Variants in ROBO2 observed in about 807,000 individuals in gnomAD.
The protein encoded by ROBO2 is roundabout homolog 2.
A neutral mutation model predicts 160.8 loss-of-function variants in ROBO2; 53 were observed. That is an observed-to-expected ratio of 0.33 (90% CI 0.26 to 0.41). ROBO2 has a LOEUF of 0.41. ROBO2 is among the 10% of genes least tolerant of loss of function. ROBO2 has a pLI of 1.00. For synonymous variants in ROBO2, 664 were observed against 611.7 expected, an observed-to-expected ratio of 1.09 and a Z score of -1.26; for missense variants, 1,577 against 1,722.4, an observed-to-expected ratio of 0.92 and a Z score of 1.49.
intron 2 of ROBO2, among the ~76,000 whole-genome samples, chr3:76,077,234 A>G (rs1355904935): frequency 1.3e-5 from 2 of 152,172 alleles, no homozygotes; most frequent in Non-Finnish European, 2.9e-5. Flanking sequence ...GGATTGGGGA[A>G]TTTGGAAATC....
At chr3:76,462,346 G>C (rs916144114) in intron 2 of ROBO2, among the ~76,000 whole-genome samples, 6 of 151,852 alleles carry the variant, frequency 4.0e-5, no homozygotes, top group Non-Finnish European at 8.8e-5. Flanking sequence ...AGAAACATTC[G>C]AGCGATTTTT....
intron 2 of ROBO2, among the ~76,000 whole-genome samples, chr3:76,707,760 T>A (rs920455646): frequency 1.2e-3 from 163 of 134,406 alleles, no homozygotes; most frequent in African/African-American, 3.7e-3. Flanking sequence ...TATATATATA[T>A]AAATCTTAAA....
At chr3:76,351,966 A>G (rs1291499350) in intron 2 of ROBO2, among the ~76,000 whole-genome samples, 2 of 152,060 alleles carry the variant, frequency 1.3e-5, no homozygotes, top group Non-Finnish European at 2.9e-5. Context: ...TTACAATGTC[A>G]TAACTATCAT....
chr3:76,386,762 G>A (rs555940535), intron 2 of ROBO2, among the ~76,000 whole-genome samples: 71 of 152,220 alleles, frequency 4.7e-4, no homozygotes, highest in South Asian at 2.1e-3. Flanking sequence ...TTGAAGTGGC[G>A]TATACTATCA....
At position 77,597,710 on chromosome 3, in the gene ROBO2, A is replaced by G. The variant is rs577809427; in HGVS notation, c.2854+960A>G. Among the ~76,000 whole-genome samples the G allele has an allele frequency of 1.1e-4, 11 of 97,932 alleles. No homozygotes were observed. In the East Asian group the frequency reaches 3.0e-3, roughly 27 times the overall value. The allele number at this position is 97,932 out of a possible 152,430, so 64.2% of individuals were successfully genotyped here. Reference sequence around the variant, plus strand: ...GCAAATTTAAAAATGAGTCAAAAGTATGGAAAAAAAAAAGTGTTTAGAAAA... The same window carrying G: ...GCAAATTTAAAAATGAGTCAAAAGTGTGGAAAAAAAAAAGTGTTTAGAAAA... On this transcript the variant is annotated intron_variant, in intron 19 of 25. Coordinates refer to ENST00000461745, the Ensembl canonical transcript of ROBO2.
intron 2 of ROBO2, among the ~76,000 whole-genome samples, chr3:76,903,743 T>C (rs994714519): frequency 2.0e-5 from 3 of 152,148 alleles, no homozygotes; most frequent in Admixed American, 1.3e-4. Flanking sequence ...TTGATTATTC[T>C]TGTGTAACGA....
At chr3:77,522,034 G>A (rs1046452448) in intron 5 of ROBO2, among the ~76,000 whole-genome samples, 1 of 151,130 alleles carries the variant, frequency 6.6e-6, no homozygotes, top group Non-Finnish European at 1.5e-5. Context: ...ATGATAGCTG[G>A]ATTATTTAGT....
intron 2 of ROBO2, among the ~76,000 whole-genome samples, chr3:75,989,451 T>C (rs2065504990): frequency 6.6e-6 from 1 of 152,142 alleles, no homozygotes; most frequent in Non-Finnish European, 1.5e-5. Context: ...TTTAGGAGCA[T>C]TTAAAATTGG....
At chr3:76,907,826 GT>G (rs2075710400) in intron 2 of ROBO2, among the ~76,000 whole-genome samples, 2 of 111,942 alleles carry the variant, frequency 1.8e-5, no homozygotes, top group Non-Finnish European at 4.2e-5. Flanking sequence ...TGTTTGGGGT[GT>G]GTGTGTGTGT....
At chr3:76,113,165 C>T (rs568892423) in intron 2 of ROBO2, among the ~76,000 whole-genome samples, 11 of 152,034 alleles carry the variant, frequency 7.2e-5, no homozygotes, top group Middle Eastern at 3.4e-3. Context: ...ACAAAAACAA[C>T]GTTAATCATT....
intron 2 of ROBO2, among the ~76,000 whole-genome samples, chr3:76,206,346 G>A (rs1472671063): frequency 6.6e-6 from 1 of 151,746 alleles, no homozygotes; most frequent in Non-Finnish European, 1.5e-5. Flanking sequence ...GCTTTTCTTG[G>A]TGTTTGCCAT....
At position 77,165,558 on chromosome 3, in the gene ROBO2, T is replaced by TA. The variant is rs200129903; in HGVS notation, c.388+67225dup. Among the ~76,000 whole-genome samples the TA allele has an allele frequency of 5.0e-4, 62 of 123,056 alleles. 1 individual carries two copies. The East Asian group carries it at 0.012, about 24-fold the overall frequency. The allele number at this position is 123,056 out of a possible 152,430, so 80.7% of individuals were successfully genotyped here. Reference sequence around the variant, plus strand: ...GTGAGAAACACCCAAGAATTATCAATAAAAAAATAAATTAAAAAAAAAATC... The same window carrying TA: ...GTGAGAAACACCCAAGAATTATCAATAAAAAAAATAAATTAAAAAAAAAATC... On this transcript the variant is annotated intron_variant, in intron 2 of 25. Transcript: ENST00000461745.
chr3:77,414,290 G>C (rs1238817479), intron 2 of ROBO2, among the ~76,000 whole-genome samples: 1 of 152,168 alleles, frequency 6.6e-6, no homozygotes, highest in Non-Finnish European at 1.5e-5. Flanking sequence ...CTTTATAAAA[G>C]CAATTTTCCT....
At position 77,293,821 on chromosome 3, in the gene ROBO2, A is replaced by T. The variant is rs1366662048; in HGVS notation, c.389-183593A>T. Among the ~76,000 whole-genome samples, 4 of 142,504 alleles carry T rather than the reference A, an allele frequency of 2.8e-5. 1 individual carries two copies. The highest frequency in any genetic ancestry group is 1.1e-4 in the African/African-American group (4 of 35,794). 93.5% of individuals were successfully genotyped at this position (142,504 alleles called of 152,430 possible). A position where few individuals can be genotyped will look rare whatever the true frequency, so the allele number is the denominator to read the frequency against. The stretch of plus-strand genomic sequence containing the variant: ...TGAGGCTAGAACAGTAAAGACATAA[A>T]GTAGAATTGATGGTTAAACGGGTAG... On this transcript the variant is annotated intron_variant, in intron 2 of 25. Transcript: ENST00000461745.
intron 2 of ROBO2, among the ~76,000 whole-genome samples, chr3:77,220,825 G>GA (rs146040490): frequency 6.6e-6 from 1 of 151,720 alleles, no homozygotes; most frequent in African/African-American, 2.4e-5. Flanking sequence ...TCATCTTTTT[G>GA]AAAAAAAGAT....
At chr3:76,784,169 A>G (rs181940173) in intron 2 of ROBO2, among the ~76,000 whole-genome samples, 2 of 151,296 alleles carry the variant, frequency 1.3e-5, no homozygotes, top group Non-Finnish European at 3.0e-5. Flanking sequence ...TATTACCTTG[A>G]TGATTCATGT....
intron 2 of ROBO2, among the ~76,000 whole-genome samples, chr3:77,114,295 A>T (rs1356169209): frequency 6.6e-6 from 1 of 152,204 alleles, no homozygotes; most frequent in Admixed American, 6.5e-5. Flanking sequence ...GATATTTCTA[A>T]GGTATCATGT....
chr3:77,390,485 T>A (rs2074610492), intron 2 of ROBO2, among the ~76,000 whole-genome samples: 1 of 152,054 alleles, frequency 6.6e-6, no homozygotes, highest in Non-Finnish European at 1.5e-5. Context: ...ATCTGATGGG[T>A]TTATAGAGGG....
intron 2 of ROBO2, among the ~76,000 whole-genome samples, chr3:76,032,126 T>C (rs1298721449): frequency 3.3e-5 from 5 of 152,196 alleles, no homozygotes; most frequent in African/African-American, 1.2e-4. Context: ...TCTTCTAGAT[T>C]TTCTAATTTA....
Sources: allele counts gnomAD v4.1 joint callset (sites outside exome capture counted in the v4.1 genomes callset), GRCh38; gene constraint gnomAD v4.1.1; transcripts MANE v1.5; gene names NCBI Gene and HGNC (gene_info 2026-07-23, HGNC 2026-07-21).